ZBTB46: variants seen among roughly 807,000 people sequenced by gnomAD.
The protein encoded by ZBTB46 is zinc finger and BTB domain-containing protein 46.
Under a neutral mutation model 44.1 loss-of-function variants are expected in ZBTB46, and 8 were observed. The observed-to-expected ratio is 0.18, with a 90% CI of 0.11 to 0.33. The LOEUF is 0.33. Ranked by LOEUF, ZBTB46 falls within the 10% of genes least tolerant of loss-of-function variation. The probability of loss-of-function intolerance (pLI) is 1.00; values close to 1 mark genes in which losing one functional copy is unlikely to be tolerated. For synonymous variants in ZBTB46, 409 were observed against 382.3 expected (o/e 1.07, Z -0.81); for missense variants, 651 against 847.7 (o/e 0.77, Z 2.88).
chr20:63,793,855 T>TA (rs970820679), intron 1 of ZBTB46, among the ~76,000 whole-genome samples: 3 of 152,072 alleles, frequency 2.0e-5, no homozygotes, highest in African/African-American at 7.2e-5. Context: ...ATTTTATAGT[T>TA]AAAAAAATAA....
At chr20:63,772,760 CACACA>C (rs760875765) in intron 3 of ZBTB46, among the ~76,000 whole-genome samples, 5,145 of 72,478 alleles carry the variant, frequency 0.071, 111 homozygotes, top group African/African-American at 0.17. Flanking sequence ...CACACACACA[CACACA>C]CAGAAGTGCG....
intron 3 of ZBTB46, among the ~76,000 whole-genome samples, chr20:63,755,724 G>A (rs1015744044): frequency 6.6e-6 from 1 of 152,142 alleles, no homozygotes; most frequent in Non-Finnish European, 1.5e-5. Context: ...CACCTTCCAT[G>A]ATTTATTTGT....
intron 1 of ZBTB46, among the ~76,000 whole-genome samples, chr20:63,816,129 CAGGTGCAGTGGGT>C (rs2146059646): frequency 2.0e-5 from 2 of 99,774 alleles, no homozygotes; most frequent in East Asian, 1.5e-3. Flanking sequence ...CAGGTGGGCG[CAGGTGCAGTGGGT>C]GCAGGTGCAG....
chr20:63,813,554 G>T (rs901696366), intron 1 of ZBTB46, among the ~76,000 whole-genome samples: 1 of 152,184 alleles, frequency 6.6e-6, no homozygotes, highest in Non-Finnish European at 1.5e-5. Context: ...TGCCCTGCGC[G>T]GGCGAGTCCC....
chr20:63,796,342 G>A (rs1261068905), intron 1 of ZBTB46, among the ~76,000 whole-genome samples: 3 of 152,194 alleles, frequency 2.0e-5, no homozygotes, highest in Admixed American at 6.5e-5. Flanking sequence ...CCTGGCACGC[G>A]GCGTCCCGGG....
At chr20:63,761,877 G>A (rs765092792) in intron 3 of ZBTB46, among the ~76,000 whole-genome samples, 7 of 152,152 alleles carry the variant, frequency 4.6e-5, no homozygotes, top group Non-Finnish European at 8.8e-5. Context: ...AGCATTTGGG[G>A]ATATTCTAGT....
chr20:63,816,892 G>A (rs560914170), intron 1 of ZBTB46, among the ~76,000 whole-genome samples: 2 of 152,102 alleles, frequency 1.3e-5, no homozygotes, highest in Non-Finnish European at 2.9e-5. Context: ...ATCATCTGAG[G>A]TCAGGAGTTC....
intron 1 of ZBTB46, among the ~76,000 whole-genome samples, chr20:63,795,850 G>C (rs1231294373): frequency 6.6e-6 from 1 of 152,228 alleles, no homozygotes; most frequent in Non-Finnish European, 1.5e-5. Flanking sequence ...GAACGGCCCA[G>C]CCTCTAGGGC....
At position 63,766,730 on chromosome 20, in the gene ZBTB46, C is replaced by T. The variant is rs141565145; in HGVS notation, c.1222+8948G>A. Among the ~76,000 whole-genome samples, 567 of 152,300 alleles carry T rather than the reference C, an allele frequency of 3.7e-3. 7 individuals carry two copies. The highest frequency in any genetic ancestry group is 3.5e-3 in the Non-Finnish European group (239 of 68,014). On this transcript the variant is annotated intron_variant, in intron 3 of 4. Coordinates refer to ENST00000245663, the MANE Select transcript of ZBTB46 (RefSeq NM_001369741.1). ...CACTAGAAATCCCACTTTTCTCCAT[C>T]TTCAGAAACTCATCTCAGGAACATA...
intron 1 of ZBTB46, among the ~76,000 whole-genome samples, chr20:63,822,286 T>C (rs550073347): frequency 1.7e-4 from 26 of 152,164 alleles, no homozygotes; most frequent in Admixed American, 2.6e-4. Flanking sequence ...CGTCCAGCCT[T>C]CCTGAGTTCA....
chr20:63,829,257 G>A (rs1404350309), intron 1 of ZBTB46, among the ~76,000 whole-genome samples: 1 of 152,188 alleles, frequency 6.6e-6, no homozygotes, highest in East Asian at 1.9e-4. Context: ...AAACAGGAGT[G>A]GAACTCAGGT....
At chr20:63,747,601 C>T (rs73622886) in intron 4 of ZBTB46, among the ~76,000 whole-genome samples, 22,090 of 147,200 alleles carry the variant, frequency 0.15, 2,378 homozygotes, top group East Asian at 0.56. Flanking sequence ...CCGGGCCCTC[C>T]GAGTGTCTGC....
In ZBTB46 at chr20:63,752,917, G is replaced by A; in HGVS notation, c.1223-56C>T. The A allele has an allele frequency of 6.5e-7, 1 of 1,531,286 alleles. No individual in the cohort carries two copies. The allele number at this position is 1,531,286 out of a possible 1,614,324, so 94.9% of individuals were successfully genotyped here. A position where few individuals can be genotyped will look rare whatever the true frequency, so the allele number is the denominator to read the frequency against. ...AGGGCTTGGGATGTACCGCCCTGCG[G>A]CCCACAGACCACGGCTGCACGCCGC... On this transcript the variant is annotated intron_variant, in intron 3 of 4. Coordinates refer to ENST00000245663, the MANE Select transcript of ZBTB46 (RefSeq NM_001369741.1). This position sits in a 1 kb window ranked among gnomAD's most constrained non-coding sequence, Gnocchi z 5.6.
chr20:63,809,683 C>A (rs2092706818), intron 1 of ZBTB46, among the ~76,000 whole-genome samples: 1 of 152,176 alleles, frequency 6.6e-6, no homozygotes, highest in South Asian at 2.1e-4. Flanking sequence ...CAAGGCCAGG[C>A]CAGAATGGTG....
At chr20:63,825,234 C>G (rs539301026) in intron 1 of ZBTB46, among the ~76,000 whole-genome samples, 1 of 151,646 alleles carries the variant, frequency 6.6e-6, no homozygotes, top group Non-Finnish European at 1.5e-5. Flanking sequence ...AACCCCATCT[C>G]TACTAAAAAT....
chr20:63,806,019 CCCGCCT>C lies in ZBTB46; in HGVS notation c.-33-15235_-33-15230del, dbSNP rs1158805269. Among the ~76,000 whole-genome samples the C allele has an allele frequency of 4.7e-5, 7 of 149,760 alleles. 1 individual carries two copies. In the South Asian group the frequency reaches 1.6e-3, roughly 33 times the overall value. On this transcript the variant is annotated intron_variant, in intron 1 of 4. Coordinates refer to ENST00000245663, the MANE Select transcript of ZBTB46 (RefSeq NM_001369741.1). The stretch of plus-strand genomic sequence containing the variant: ...CGAACTCCTGACCTCAGGTGCTCTA[CCCGCCT>C]CCGCCTCCCAAAGTGCTGGGATTAC...
chr20:63,792,295 C>G (rs1246328175), intron 1 of ZBTB46, among the ~76,000 whole-genome samples: 1 of 152,230 alleles, frequency 6.6e-6, no homozygotes, highest in Non-Finnish European at 1.5e-5. Context: ...AAACCCCATT[C>G]TCCAGCTGAT....
chr20:63,821,637 G>A (rs1191170258), intron 1 of ZBTB46, among the ~76,000 whole-genome samples: 2 of 151,948 alleles, frequency 1.3e-5, no homozygotes, highest in South Asian at 2.1e-4. Flanking sequence ...TAGTATAAAT[G>A]GGGTTTCACC....
intron 1 of ZBTB46, among the ~76,000 whole-genome samples, chr20:63,826,679 C>T (rs1293435518): frequency 6.6e-6 from 1 of 152,202 alleles, no homozygotes; most frequent in Non-Finnish European, 1.5e-5. Context: ...GAGCCGACAT[C>T]GCGCCGCTGC....
Sources: allele counts gnomAD v4.1 joint callset (sites outside exome capture counted in the v4.1 genomes callset), GRCh38; gene constraint gnomAD v4.1.1; non-coding constraint Gnocchi (gnomAD v3.1); transcripts MANE v1.5; gene names NCBI Gene and HGNC (gene_info 2026-07-23, HGNC 2026-07-21).